The following SLC25A18 variants were observed in gnomAD, a reference collection of about 807,000 sequenced individuals.
The protein encoded by SLC25A18 is solute carrier family 25 member 18, also known as mitochondrial glutamate carrier 2.
In SLC25A18, 24 loss-of-function variants were observed where a neutral mutation model predicts 31.1. The observed-to-expected ratio is 0.77, with a 90% CI of 0.56 to 1.08. The LOEUF (loss-of-function observed/expected upper bound fraction) is 1.08, where lower values mean the gene tolerates loss of function less well. Ranked by LOEUF, SLC25A18 falls within the 50% of genes least tolerant of loss-of-function variation. The pLI is 0.00. For synonymous variants in SLC25A18, 173 were observed against 161.9 expected (o/e 1.07, Z -0.52); for missense variants, 371 against 418.5 (o/e 0.89, Z 0.99).
rs559736026 is a variant in SLC25A18 at position 17,567,663 on chromosome 22, C to T, written c.-263-2261C>T. Reference sequence around the variant, plus strand: ...TCTCCATTTTACCTCTCTATCCTTGCTTTTATAATTCCATCAACATCTTTG... The same window carrying T: ...TCTCCATTTTACCTCTCTATCCTTGTTTTTATAATTCCATCAACATCTTTG... On this transcript the variant is annotated intron_variant, in intron 1 of 10. Transcript: ENST00000327451. 1.9e-4 allele frequency among the ~76,000 whole-genome samples: 27 copies of T among 145,462 alleles called. 1 individual carries two copies. The highest frequency in any genetic ancestry group is 3.4e-4 in the Non-Finnish European group (23 of 67,008).
chr22:17,587,215 C>T lies in SLC25A18; in HGVS notation c.489C>T (p.Arg163=), dbSNP rs750200434. 6.2e-7 allele frequency: 1 copy of T among 1,614,174 alleles called. No individual in the cohort carries two copies. Among genetic ancestry groups the T allele is most frequent in the East Asian group, 2.2e-5 (1 of 44,874 alleles). Residue 163 remains arginine, a synonymous_variant, in exon 8 of 11, where the codon CGC becomes CGT. Transcript: ENST00000327451. ...CTGGTTCGGCTTCCACCCACAGGCGCCCCTCTGCCACCCTCATTGCCTGGG... is the reference window on the plus strand; with the variant it reads ...CTGGTTCGGCTTCCACCCACAGGCGTCCCTCTGCCACCCTCATTGCCTGGG... ...YTTGSASTHR[R]PSATLIAWEL...
chr22:17,563,839 C>A, intron 1 of SLC25A18, 126 bp downstream of exon 1: 1 of 481,116 alleles, frequency 2.1e-6, no homozygotes, highest in Non-Finnish European at 2.7e-6. Flanking sequence ...ATACAGAATA[C>A]AGAAAAACTG....
At chr22:17,571,290 A>C (rs370878709) in intron 2 of SLC25A18, among the ~76,000 whole-genome samples, 3 of 152,196 alleles carry the variant, frequency 2.0e-5, no homozygotes, top group African/African-American at 7.2e-5. Context: ...CAGTGGCTGC[A>C]CAGAAGGGGA....
chr22:17,579,215 G>T (rs2057309613), intron 2 of SLC25A18, among the ~76,000 whole-genome samples: 1 of 151,854 alleles, frequency 6.6e-6, no homozygotes. Flanking sequence ...CAGCCCCCCA[G>T]GTAGCTGGGA....
chr22:17,568,166 C>T (rs1206060385), intron 1 of SLC25A18, among the ~76,000 whole-genome samples: 1 of 151,954 alleles, frequency 6.6e-6, no homozygotes, highest in African/African-American at 2.4e-5. Flanking sequence ...AGATCAAGAC[C>T]ATCCTGGCTA....
chr22:17,585,650 A>ATTATTATTTT (rs1555951983), intron 7 of SLC25A18, among the ~76,000 whole-genome samples: 3 of 137,224 alleles, frequency 2.2e-5, no homozygotes, highest in African/African-American at 5.6e-5. Flanking sequence ...TATTATTATT[A>ATTATTATTTT]TTTTTTTTTT....
In SLC25A18 at chr22:17,590,175, G is replaced by A; in HGVS notation, c.887G>A (p.Gly296Glu). ...GCACTGGTCATAGCACCTCTCTTTG[G>A]GATTGCTCAAGGGGTCTATTTTATT... ...CRALVIAPLF[G>E]IAQGVYFIGI... The change falls in exon 11 of 11, where the codon GGG becomes GAG. Residue 296 changes from glycine to glutamate, a missense_variant. Gly to Glu is a moderately conservative substitution (Grantham distance 98, BLOSUM62 -2). Coordinates refer to ENST00000327451, the MANE Select transcript of SLC25A18 (RefSeq NM_031481.3). 1 of 1,614,210 alleles carries A rather than the reference G, an allele frequency of 6.2e-7. No individual in the cohort carries two copies. Among genetic ancestry groups the A allele is most frequent in the Non-Finnish European group, 8.5e-7 (1 of 1,180,034 alleles).
chr22:17,580,643 T>C, intron 3 of SLC25A18: 2 of 1,007,550 alleles, frequency 2.0e-6, no homozygotes, highest in Non-Finnish European at 2.4e-6. Context: ...ACAGTCAGGA[T>C]GCAAACTCAG....
chr22:17,569,132 C>G (rs2057022392), intron 1 of SLC25A18, among the ~76,000 whole-genome samples: 2 of 151,746 alleles, frequency 1.3e-5, no homozygotes, highest in African/African-American at 4.8e-5. Context: ...CCTCCGCATC[C>G]CGAGTAGCTG....
intron 6 of SLC25A18, 104 bp downstream of exon 6, chr22:17,582,757 T>G: frequency 1.0e-6 from 1 of 961,886 alleles, no homozygotes; most frequent in African/African-American, 1.6e-5. Flanking sequence ...CCTGCATGCA[T>G]ATAAATATGT....
At chr22:17,583,589 G>A in intron 7 of SLC25A18, 55 bp downstream of exon 7, 1 of 1,585,220 alleles carries the variant, frequency 6.3e-7, no homozygotes, top group Non-Finnish European at 8.6e-7. Flanking sequence ...ATTGGAACCA[G>A]GCACATCCCA....
intron 7 of SLC25A18, among the ~76,000 whole-genome samples, chr22:17,584,781 C>CAAAAAAAAAA (rs66948770): frequency 5.5e-4 from 11 of 20,062 alleles, no homozygotes; most frequent in Non-Finnish European, 7.5e-4. Context: ...GAATTCATCT[C>CAAAAAAAAAA]AAAAAAAAAA....
In SLC25A18 at chr22:17,588,045, T is replaced by C. The variant is rs752817057; in HGVS notation, c.696T>C (p.Gly232=). The C allele has an allele frequency of 6.2e-7, 1 of 1,614,100 alleles. No homozygotes were observed. Among genetic ancestry groups the C allele is most frequent in the East Asian group, 2.2e-5 (1 of 44,876 alleles). The change falls in exon 9 of 11, where the codon GGT becomes GGC. Residue 232 remains glycine (G), a synonymous_variant. Transcript: ENST00000327451. The part of the protein sequence containing the change: ...AHSFVSGCVA[G]SIAAVAVTPL... ...CCTTCGTGTCAGGCTGTGTGGCAGGTTCCATAGCTGCGGTCGCAGTGACGC... is the reference window on the plus strand; with the variant it reads ...CCTTCGTGTCAGGCTGTGTGGCAGGCTCCATAGCTGCGGTCGCAGTGACGC...
intron 7 of SLC25A18, among the ~76,000 whole-genome samples, chr22:17,586,267 C>A (rs952392406): frequency 1.3e-5 from 2 of 152,220 alleles, no homozygotes; most frequent in Non-Finnish European, 2.9e-5. Flanking sequence ...GTAATCCCAG[C>A]ACTTTGGGAG....
At chr22:17,567,247 T>G (rs1284262056) in intron 1 of SLC25A18, among the ~76,000 whole-genome samples, 2 of 151,180 alleles carry the variant, frequency 1.3e-5, no homozygotes, top group Admixed American at 6.6e-5. Flanking sequence ...CATCTAGATA[T>G]GAGTCCCATC....
intron 9 of SLC25A18, 59 bp downstream of exon 9, chr22:17,588,138 A>G (rs751679046): frequency 6.9e-6 from 11 of 1,597,548 alleles, no homozygotes; most frequent in South Asian, 1.1e-5. Flanking sequence ...GCACTTATAG[A>G]TAAAACAGCC....
At chr22:17,572,485 C>CAA (rs695683) in intron 2 of SLC25A18, among the ~76,000 whole-genome samples, 9,239 of 132,614 alleles carry the variant, frequency 0.07, 1,074 homozygotes, top group African/African-American at 0.24. Context: ...AACTCCATCT[C>CAA]AAAAAAAAAA....
At chr22:17,581,010 C>A in intron 3 of SLC25A18, 27 bp from the exon 4 acceptor site, 1 of 1,529,812 alleles carries the variant, frequency 6.5e-7, no homozygotes, top group Non-Finnish European at 8.8e-7. Flanking sequence ...CTGCCTCTCT[C>A]CTCCCCCTGT....
chr22:17,563,523 G>A lies in SLC25A18; in HGVS notation c.-454G>A, dbSNP rs898156672. ...ATTCTGGACAGCATATGACAAGGACGAGGACCCCTATTCTAGCCAGTTAAA... is the reference window on the plus strand; with the variant it reads ...ATTCTGGACAGCATATGACAAGGACAAGGACCCCTATTCTAGCCAGTTAAA... On this transcript the variant is annotated 5_prime_UTR_variant, in exon 1 of 11. Transcript: ENST00000327451. 7 of 214,376 alleles carry A rather than the reference G, an allele frequency of 3.3e-5. No homozygotes were observed. The highest frequency in any genetic ancestry group is 1.2e-4 in the African/African-American group (5 of 42,550). The allele number at this position is 214,376 out of a possible 1,614,324, so 13.3% of individuals were successfully genotyped here.
Sources: gnomAD v4.1 joint callset for allele counts (sites outside exome capture counted in the v4.1 genomes callset) on GRCh38, gnomAD v4.1.1 for gene constraint, MANE v1.5 for transcripts, NCBI Gene and HGNC (gene_info 2026-07-23, HGNC 2026-07-21) for gene names.